HAL: variants seen among roughly 807,000 people sequenced by gnomAD.
The protein encoded by HAL is histidine ammonia-lyase.
A neutral mutation model predicts 81.1 loss-of-function variants in HAL; 85 were observed. That is an observed-to-expected ratio of 1.05 (90% CI 0.88 to 1.25). HAL has a LOEUF of 1.25. Ranked by LOEUF, HAL falls within the 50% of genes most tolerant of loss-of-function variation. The pLI is 0.00. For synonymous variants in HAL, 301 were observed against 309.2 expected (o/e 0.97, Z 0.28); for missense variants, 798 against 836.6 (o/e 0.95, Z 0.57).
In HAL at chr12:95,973,823, TA is replaced by T. The variant is rs71307533; in HGVS notation, c.*408del. ...GGTGGAGAGCTTGTTGAAGCAAATT[TA>T]AAAAAAAAAAAAAAGGTTAACAAAA... On this transcript the variant is annotated 3_prime_UTR_variant, in exon 21 of 21. Coordinates refer to ENST00000261208, the MANE Select transcript of HAL (RefSeq NM_002108.4). The T allele has an allele frequency of 0.24, 35,734 of 150,194 alleles. 4,176 individuals are homozygous for T. Among genetic ancestry groups the T allele is most frequent in the South Asian group, 0.34 (1,875 of 5,458 alleles). The allele number at this position is 150,194 out of a possible 1,614,324, so 9.3% of individuals were successfully genotyped here. A position where few individuals can be genotyped will look rare whatever the true frequency, so the allele number is the denominator to read the frequency against.
Position 95,993,955 on chromosome 12 carries a change from A to G in HAL, c.455T>C (p.Val152Ala), listed in dbSNP as rs763555567. 4 of 1,608,226 alleles carry G rather than the reference A, an allele frequency of 2.5e-6. No individual in the cohort carries two copies. The highest frequency in any genetic ancestry group is 1.3e-5 in the African/African-American group (1 of 74,776). Residue 152 changes from valine to alanine, a missense_variant, in exon 6 of 21, where the codon GTC becomes GCC. Val to Ala is a moderately conservative substitution (Grantham distance 64, BLOSUM62 0). Coordinates refer to ENST00000261208, the MANE Select transcript of HAL (RefSeq NM_002108.4). ...AEKRVQKSRE[V>A]IDSIIKEKTV... ...TTTCTCTTTTATGATGCTATCTATG[A>G]CCTCCCTGGATTTCTGCACCCTCTT...
Position 95,994,027 on chromosome 12 carries a change from C to T in HAL, c.412-29G>A, listed in dbSNP as rs368088959. ...GGAAAATGTTGATCAGAACTGAGCA[C>T]GTTAAAGACTTCCACGGGCAACAAA... On this transcript the variant is annotated intron_variant, in intron 5 of 20. Coordinates refer to ENST00000261208, the MANE Select transcript of HAL (RefSeq NM_002108.4). 3.5e-5 allele frequency: 56 copies of T among 1,599,526 alleles called. 1 individual carries two copies. The highest frequency in any genetic ancestry group is 1.3e-4 in the South Asian group (12 of 90,766).
At chr12:95,983,876 C>A in intron 15 of HAL, 35 bp downstream of exon 15, 2 of 1,060,836 alleles carry the variant, frequency 1.9e-6, no homozygotes, top group Non-Finnish European at 3.0e-6. Context: ...AGCTGCAATT[C>A]TATAATTGCA....
rs373201605 is a variant in HAL, at chr12:95,976,449, T to C, written c.1813A>G (p.Arg605Gly). ...FMAPDIEAAH[R>G]LLLEQKVWEV... ...CTTGCCTTCTGCTCCAGGAGCAGCCTGTGGGCTGCCTCGATGTCCGGGGCC... is the reference window on the plus strand; with the variant it reads ...CTTGCCTTCTGCTCCAGGAGCAGCCCGTGGGCTGCCTCGATGTCCGGGGCC... The change falls in exon 20 of 21, where the codon AGG (arginine) becomes GGG (glycine). Residue 605 changes from arginine to glycine, a missense_variant. Physicochemically the swap from Arg to Gly is moderately radical, Grantham distance 125 (BLOSUM62 -2). Transcript: ENST00000261208. The C allele has an allele frequency of 1.7e-5, 27 of 1,613,748 alleles. 1 individual carries two copies. The highest frequency in any genetic ancestry group is 2.3e-5 in the Non-Finnish European group (27 of 1,179,618).
intron 11 of HAL, 55 bp from the exon 12 acceptor site, chr12:95,987,269 A>C: frequency 2.1e-6 from 3 of 1,452,356 alleles, no homozygotes; most frequent in Non-Finnish European, 2.9e-6. Flanking sequence ...GAACCTACAT[A>C]CCCGTGGATT....
intron 10 of HAL, chr12:95,990,002 C>G (rs1949949090): frequency 3.7e-6 from 1 of 267,942 alleles, no homozygotes; most frequent in Non-Finnish European, 7.3e-6. Context: ...AAAAATGAAA[C>G]CTGCTTTCCA....
At chr12:95,984,892 G>C (rs963582537) in intron 14 of HAL, among the ~76,000 whole-genome samples, 1 of 152,082 alleles carries the variant, frequency 6.6e-6, no homozygotes, top group African/African-American at 2.4e-5. Context: ...CTGACTAAAG[G>C]GAAATGAGGG....
rs199756682 is a variant in HAL, at chr12:95,985,884, C to A, written c.1206+24G>T. 1.3e-4 allele frequency: 194 copies of A among 1,523,674 alleles called. 1 individual carries two copies. The African/African-American group carries it at 2.6e-3, about 20-fold the overall frequency. 94.4% of individuals were successfully genotyped at this position (1,523,674 alleles called of 1,614,324 possible). A position where few individuals can be genotyped will look rare whatever the true frequency, so the allele number is the denominator to read the frequency against. ...AAACTTTATTGGCATTTTTTATTGA[C>A]CTTTTTTTTTTTCTTTATTTTACCT... is the stretch of plus-strand genomic sequence containing the variant. On this transcript the variant is annotated intron_variant, in intron 14 of 20. Coordinates refer to ENST00000261208, the MANE Select transcript of HAL (RefSeq NM_002108.4).
rs1565985465 is a variant in HAL at position 95,978,087 on chromosome 12, G to C, written c.1520-9C>G. 2 of 1,612,632 alleles carry C rather than the reference G, an allele frequency of 1.2e-6. No individual in the cohort carries two copies. Among genetic ancestry groups the C allele is most frequent in the Non-Finnish European group, 1.7e-6 (2 of 1,178,684 alleles). Reference sequence around the variant, plus strand: ...AGCCTTGTTCTCAGAAACTGCAAGAGACCAGTGCCAGTTAAGAAGTGCTCC... The same window carrying C: ...AGCCTTGTTCTCAGAAACTGCAAGACACCAGTGCCAGTTAAGAAGTGCTCC... On this transcript the variant is annotated splice_polypyrimidine_tract_variant and intron_variant, in intron 17 of 20. Transcript: ENST00000261208.
Position 95,987,214 on chromosome 12 carries a change from C to T in HAL, c.904G>A (p.Gly302Ser). Residue 302 changes from glycine (G) to serine (S), a missense_variant and splice_region_variant, in exon 12 of 21, where the codon GGC (glycine) becomes AGC (serine). By Grantham distance (56) the Gly-to-Ser change is moderately conservative. Coordinates refer to ENST00000261208, the MANE Select transcript of HAL (RefSeq NM_002108.4). ...LKPVILKPKEGLALINGTQMI... is the reference protein window; with the variant it reads ...LKPVILKPKESLALINGTQMI... ...TGCGTCCCATTGATGAGTGCCAGGC[C>T]CTGTCGGGGGAGAGAGCAAAGTTTC... 1 of 1,613,592 alleles carries T rather than the reference C, an allele frequency of 6.2e-7. No homozygotes were observed. The highest frequency in any genetic ancestry group is 8.5e-7 in the Non-Finnish European group (1 of 1,179,524).
At chr12:95,993,004 C>T (rs557210405) in intron 8 of HAL, among the ~76,000 whole-genome samples, 199 bp from the exon 9 acceptor site, 2 of 152,240 alleles carry the variant, frequency 1.3e-5, no homozygotes, top group East Asian at 1.9e-4. Context: ...AAGGTTAAGA[C>T]CCCAGTTTTG....
At position 95,980,363 on chromosome 12, in the gene HAL, G is replaced by A. The variant is rs991349839; in HGVS notation, c.1519+193C>T. On this transcript the variant is annotated intron_variant, in intron 17 of 20. Transcript: ENST00000261208. ...TATTATATTTCAGCATAACAGTATC[G>A]AAGTTTTTAAACTATTTTTTTCTGA... Among the ~76,000 whole-genome samples the A allele has an allele frequency of 8.5e-5, 13 of 152,174 alleles. 1 individual carries two copies. The highest frequency in any genetic ancestry group is 3.9e-4 in the Admixed American group (6 of 15,290).
intron 15 of HAL, among the ~76,000 whole-genome samples, chr12:95,982,167 A>T (rs1466139429): frequency 6.6e-6 from 1 of 152,210 alleles, no homozygotes; most frequent in African/African-American, 2.4e-5. Flanking sequence ...TTAGAATTTA[A>T]CTCCCATAAT....
Position 95,978,372 on chromosome 12 carries a change from A to G in HAL, c.1520-294T>C, listed in dbSNP as rs565561767. 2.6e-5 allele frequency among the ~76,000 whole-genome samples: 4 copies of G among 152,300 alleles called. No individual in the cohort carries two copies. In the East Asian group the frequency reaches 7.7e-4, roughly 29 times the overall value. Reference sequence around the variant, plus strand: ...CAACCTGGGAAGCATATAGCATGCCAGGGAGACTAGGGGAGAAAGAGACAT... The same window carrying G: ...CAACCTGGGAAGCATATAGCATGCCGGGGAGACTAGGGGAGAAAGAGACAT... On this transcript the variant is annotated intron_variant, in intron 17 of 20. Transcript: ENST00000261208.
Position 95,974,243 on chromosome 12 carries a change from C to T in HAL, c.1963G>A (p.Glu655Lys). ...CATGACAAAGCCCATTAAAGGTCCT[C>T]AGACTCCGGGATTTTGGTGGATTTC... ...HKKSTKIPES[E>K]DL Residue 655 changes from glutamate to lysine, a missense_variant, in exon 21 of 21, where the codon GAG becomes AAG. By Grantham distance (56) the Glu-to-Lys change is moderately conservative (BLOSUM62 1). Transcript: ENST00000261208. 2 of 1,614,080 alleles carry T rather than the reference C, an allele frequency of 1.2e-6. No individual in the cohort carries two copies. Among genetic ancestry groups the T allele is most frequent in the Non-Finnish European group, 1.7e-6 (2 of 1,179,938 alleles).
At chr12:95,979,085 AAG>A (rs2080760817) in intron 17 of HAL, among the ~76,000 whole-genome samples, 1 of 152,238 alleles carries the variant, frequency 6.6e-6, no homozygotes, top group Admixed American at 6.5e-5. Flanking sequence ...GGGCCAAAAA[AAG>A]AAAAACACTA....
chr12:95,985,763 TAG>T (rs1026545617), intron 14 of HAL, 143 bp downstream of exon 14: 69 of 661,822 alleles, frequency 1.0e-4, no homozygotes, highest in Non-Finnish European at 1.7e-4. Flanking sequence ...TAACTTTTCA[TAG>T]AGACAGTAAG....
At chr12:95,991,459 GAGA>G (rs1949969418) in intron 9 of HAL, among the ~76,000 whole-genome samples, 1 of 152,322 alleles carries the variant, frequency 6.6e-6, no homozygotes, top group South Asian at 2.1e-4. Flanking sequence ...CCCAGGGGAA[GAGA>G]AGTCATAGGC....
intron 7 of HAL, 134 bp downstream of exon 7, chr12:95,993,638 A>T: frequency 1.2e-6 from 1 of 821,882 alleles, no homozygotes; most frequent in Non-Finnish European, 2.1e-6. Context: ...TTCAATACCA[A>T]CTCACATGCA....
Sources: gnomAD v4.1 joint callset for allele counts (sites outside exome capture counted in the v4.1 genomes callset) on GRCh38, gnomAD v4.1.1 for gene constraint, MANE v1.5 for transcripts, NCBI Gene and HGNC (gene_info 2026-07-23, HGNC 2026-07-21) for gene names.